DLG1: variants seen among roughly 807,000 people sequenced by gnomAD.
The protein encoded by DLG1 is disks large homolog 1.
DLG1 carries 42 observed loss-of-function variants against 123.4 expected under a neutral mutation model. That is an observed-to-expected ratio of 0.34 (90% CI 0.27 to 0.44). The LOEUF (loss-of-function observed/expected upper bound fraction) is 0.44, where lower values mean the gene tolerates loss of function less well. Ranked by LOEUF, DLG1 falls within the 20% of genes least tolerant of loss-of-function variation. The pLI, the probability that DLG1 is intolerant of heterozygous loss-of-function variation, is 1.00. For missense variants in DLG1, 942 were observed against 1,082.6 expected, an observed-to-expected ratio of 0.87 and a Z score of 1.82; for synonymous variants, 317 against 356.2, an observed-to-expected ratio of 0.89 and a Z score of 1.24.
chr3:197,089,516 G>T (rs1480057307), intron 15 of DLG1, among the ~76,000 whole-genome samples: 2 of 146,826 alleles, frequency 1.4e-5, no homozygotes, highest in East Asian at 3.9e-4. Context: ...GACAAAGTGA[G>T]ACCCTGTCTT....
chr3:197,054,818 TTTA>T (rs1419839858), intron 23 of DLG1, among the ~76,000 whole-genome samples: 2 of 150,736 alleles, frequency 1.3e-5, no homozygotes, highest in African/African-American at 4.9e-5. Context: ...CTAATTTTTG[TTTA>T]TTTTTTTTTT....
chr3:197,115,824 A>C (rs1772982182), intron 13 of DLG1, 103 bp downstream of exon 13: 3 of 1,118,444 alleles, frequency 2.7e-6, no homozygotes. Context: ...GAAGATAACC[A>C]AGATATCCCC....
At chr3:197,244,096 T>G (rs9842311) in intron 4 of DLG1, among the ~76,000 whole-genome samples, 4 of 152,206 alleles carry the variant, frequency 2.6e-5, no homozygotes, top group Non-Finnish European at 4.4e-5. Context: ...CTGGAAGGGC[T>G]TAAGCTCACT....
intron 4 of DLG1, among the ~76,000 whole-genome samples, chr3:197,216,915 G>C (rs906632364): frequency 5.3e-5 from 8 of 152,148 alleles, no homozygotes; most frequent in Non-Finnish European, 8.8e-5. Context: ...AAATATGAAT[G>C]AAAATAAAGA....
At chr3:197,187,114 T>C (rs1379295960) in intron 5 of DLG1, among the ~76,000 whole-genome samples, 1 of 152,210 alleles carries the variant, frequency 6.6e-6, no homozygotes, top group African/African-American at 2.4e-5. Context: ...ATTTGCTATT[T>C]ATCTAGAAAA....
intron 4 of DLG1, among the ~76,000 whole-genome samples, chr3:197,200,844 A>C (rs577128700): frequency 6.6e-6 from 1 of 152,280 alleles, no homozygotes; most frequent in African/African-American, 2.4e-5. Context: ...TCAACAAAAA[A>C]AAGACCATAT....
intron 5 of DLG1, among the ~76,000 whole-genome samples, chr3:197,159,548 TGTAAA>T (rs1341656988): frequency 1.2e-4 from 18 of 152,214 alleles, no homozygotes; most frequent in African/African-American, 4.3e-4. Context: ...CGCATCTAAA[TGTAAA>T]GTAGTGGATC....
chr3:197,062,386 G>A (rs1736462451), intron 22 of DLG1, among the ~76,000 whole-genome samples: 1 of 152,124 alleles, frequency 6.6e-6, no homozygotes, highest in Non-Finnish European at 1.5e-5. Context: ...CATCACTTTT[G>A]CGCCTCTGAA....
At chr3:197,046,839 C>T (rs1301986384) in intron 24 of DLG1, among the ~76,000 whole-genome samples, 3 of 151,814 alleles carry the variant, frequency 2.0e-5, no homozygotes, top group Admixed American at 1.3e-4. Flanking sequence ...CATTGCACTC[C>T]AGCCTGGGTG....
intron 5 of DLG1, among the ~76,000 whole-genome samples, chr3:197,168,780 T>A (rs1802639236): frequency 1.3e-5 from 2 of 152,288 alleles, no homozygotes; most frequent in South Asian, 4.1e-4. Context: ...TTAAAAAAAA[T>A]CTTGACCATG....
chr3:197,248,588 A>G (rs1212042828), intron 4 of DLG1, among the ~76,000 whole-genome samples: 1 of 152,226 alleles, frequency 6.6e-6, no homozygotes, highest in Non-Finnish European at 1.5e-5. Flanking sequence ...GAGCACACTG[A>G]ACAAAGGAAA....
At chr3:197,147,452 ACACACACACACACACAC>A (rs1473852649) in intron 6 of DLG1, among the ~76,000 whole-genome samples, 3 of 148,708 alleles carry the variant, frequency 2.0e-5, no homozygotes, top group African/African-American at 7.6e-5. Flanking sequence ...ACACACACAC[ACACACACACACACACAC>A]ACCATGGAAT....
intron 4 of DLG1, among the ~76,000 whole-genome samples, chr3:197,195,289 AT>A (rs1215798566): frequency 6.6e-6 from 1 of 150,970 alleles, no homozygotes; most frequent in Non-Finnish European, 1.5e-5. Context: ...CTTATCAATG[AT>A]TTAAAAAAAA....
At chr3:197,076,122 C>A (rs1747097117) in intron 18 of DLG1, among the ~76,000 whole-genome samples, 1 of 152,142 alleles carries the variant, frequency 6.6e-6, no homozygotes, top group Non-Finnish European at 1.5e-5. Context: ...TAGACCATTT[C>A]TTGCTATTTT....
intron 24 of DLG1, among the ~76,000 whole-genome samples, chr3:197,047,778 A>G (rs1724390639): frequency 6.6e-6 from 1 of 152,192 alleles, no homozygotes; most frequent in Admixed American, 6.5e-5. Context: ...AACTTGAAAT[A>G]GACTAAAGAC....
intron 4 of DLG1, among the ~76,000 whole-genome samples, chr3:197,219,619 T>C (rs780975990): frequency 6.6e-6 from 1 of 152,164 alleles, no homozygotes; most frequent in East Asian, 1.9e-4. Context: ...AATGTATCTT[T>C]ATTCGAAGAC....
At chr3:197,163,687 A>ATTTTTTTTTTTTT (rs56865627) in intron 5 of DLG1, among the ~76,000 whole-genome samples, 136 of 102,042 alleles carry the variant, frequency 1.3e-3, no homozygotes, top group Non-Finnish European at 1.7e-3. Context: ...ATGCTCAGCT[A>ATTTTTTTTTTTTT]TTTTTTTTTT....
intron 5 of DLG1, among the ~76,000 whole-genome samples, chr3:197,166,850 C>T (rs1367298543): frequency 1.3e-5 from 2 of 151,744 alleles, no homozygotes; most frequent in African/African-American, 2.4e-5. Flanking sequence ...CAAGATCACG[C>T]CATTCCACTC....
Position 197,138,388 on chromosome 3 carries a change from G to C in DLG1, c.717C>G (p.Val239=), listed in dbSNP as rs781305651. 1.6e-5 allele frequency: 21 copies of C among 1,353,548 alleles called. No individual in the cohort carries two copies. Among genetic ancestry groups the C allele is most frequent in the Admixed American group, 2.8e-5 (1 of 35,726 alleles). The allele number at this position is 1,353,548 out of a possible 1,614,324, so 83.8% of individuals were successfully genotyped here. Residue 239 remains valine, a synonymous_variant, in exon 9 of 25, where the codon GTC becomes GTG. Transcript: ENST00000667157. Reference sequence around the variant, plus strand: ...CATTTACTCGTAATATACAGTCATTGACCCTGAGAAAACAATTAAATATTA... The same window carrying C: ...CATTTACTCGTAATATACAGTCATTCACCCTGAGAAAACAATTAAATATTA... ...GAAAQDGRLR[V]NDCILRVNEV...
Sources: allele counts gnomAD v4.1 joint callset (sites outside exome capture counted in the v4.1 genomes callset), GRCh38; gene constraint gnomAD v4.1.1; transcripts MANE v1.5; gene names NCBI Gene and HGNC (gene_info 2026-07-23, HGNC 2026-07-21).